The following GTF2F2 variants were observed in gnomAD, a reference collection of about 807,000 sequenced individuals.
The protein encoded by GTF2F2 is general transcription factor IIF subunit 2.
GTF2F2 carries 23 observed loss-of-function variants against 42.2 expected under a neutral mutation model. The observed-to-expected ratio is 0.55, with a 90% CI of 0.39 to 0.77. The LOEUF (loss-of-function observed/expected upper bound fraction) is 0.77. Ranked by LOEUF, GTF2F2 falls within the 30% of genes least tolerant of loss-of-function variation. The probability of loss-of-function intolerance (pLI) is 0.00; values close to 1 mark genes in which losing one functional copy is unlikely to be tolerated. For synonymous variants in GTF2F2, 105 were observed against 100.8 expected (o/e 1.04, Z -0.25); for missense variants, 261 against 287.2 (o/e 0.91, Z 0.66).
chr13:45,260,739 G>C (rs560784264), intron 6 of GTF2F2, among the ~76,000 whole-genome samples: 20 of 152,296 alleles, frequency 1.3e-4, no homozygotes, highest in African/African-American at 4.8e-4. Context: ...TCAAGAATAG[G>C]CTGGGCGTGG....
At chr13:45,160,208 G>C (rs1395201314) in intron 4 of GTF2F2, among the ~76,000 whole-genome samples, 1 of 152,182 alleles carries the variant, frequency 6.6e-6, no homozygotes, top group East Asian at 1.9e-4. Flanking sequence ...ATGTCTGACA[G>C]CTTAAGACAA....
intron 2 of GTF2F2, among the ~76,000 whole-genome samples, chr13:45,139,051 T>C (rs1869781391): frequency 6.6e-6 from 1 of 152,228 alleles, no homozygotes; most frequent in Non-Finnish European, 1.5e-5. Context: ...TCTCAGCGCA[T>C]GTTAAAGCAA....
chr13:45,213,482 C>A (rs1396154613), intron 5 of GTF2F2, among the ~76,000 whole-genome samples: 2 of 152,130 alleles, frequency 1.3e-5, no homozygotes, highest in Non-Finnish European at 2.9e-5. Context: ...GTTTCTATTC[C>A]CCACCCCATT....
intron 1 of GTF2F2, among the ~76,000 whole-genome samples, chr13:45,128,030 G>A (rs534291586): frequency 3.1e-5 from 4 of 129,828 alleles, no homozygotes; most frequent in African/African-American, 1.2e-4. Context: ...GCGCGATCTC[G>A]ACTCACTGCA....
At chr13:45,273,357 T>C (rs1045427762) in intron 7 of GTF2F2, among the ~76,000 whole-genome samples, 5 of 152,044 alleles carry the variant, frequency 3.3e-5, no homozygotes, top group Non-Finnish European at 5.9e-5. Context: ...ATTGCAAGCA[T>C]GAGCCACAGC....
chr13:45,226,770 C>T (rs578204985), intron 5 of GTF2F2, among the ~76,000 whole-genome samples: 136 of 152,266 alleles, frequency 8.9e-4, no homozygotes, highest in African/African-American at 3.0e-3. Flanking sequence ...TGTCTATTTA[C>T]GCCTTCTTTT....
chr13:45,230,263 C>T (rs1874608676), intron 5 of GTF2F2, among the ~76,000 whole-genome samples: 1 of 151,876 alleles, frequency 6.6e-6, no homozygotes, highest in East Asian at 1.9e-4. Context: ...AGAGGTAACT[C>T]CAGTACTAAT....
chr13:45,185,706 A>G (rs755564079), intron 4 of GTF2F2, among the ~76,000 whole-genome samples: 1 of 152,234 alleles, frequency 6.6e-6, no homozygotes, highest in African/African-American at 2.4e-5. Context: ...CCATAAATGT[A>G]TACAAATTTT....
At chr13:45,132,770 T>C (rs1290831585) in intron 1 of GTF2F2, among the ~76,000 whole-genome samples, 1 of 151,806 alleles carries the variant, frequency 6.6e-6, no homozygotes, top group Non-Finnish European at 1.5e-5. Context: ...TTAGATTTGA[T>C]GGTTTGCTTT....
intron 5 of GTF2F2, among the ~76,000 whole-genome samples, chr13:45,242,546 G>T (rs1875370694): frequency 6.6e-6 from 1 of 152,086 alleles, no homozygotes; most frequent in Non-Finnish European, 1.5e-5. Context: ...GTTTTTAAAT[G>T]ACTTCTACAT....
rs1318975055 is a variant in GTF2F2, at chr13:45,267,376, G to T, written c.630G>T (p.Val210=). 6.3e-7 allele frequency: 1 copy of T among 1,596,946 alleles called. No homozygotes were observed. The highest frequency in any genetic ancestry group is 1.1e-5 in the South Asian group (1 of 89,886). ...KDLVDITKQP[V]VYLKEILKEI... is the part of the protein sequence containing the mutation. ...TGGTGGACATCACAAAGCAACCTGT[G>T]GTATGTATATGTTCATACTGATCCT... The change falls in exon 7 of 8, where the codon GTG becomes GTT. Residue 210 remains valine, a splice_region_variant and synonymous_variant. Coordinates refer to ENST00000340473, the MANE Select transcript of GTF2F2 (RefSeq NM_004128.3).
chr13:45,121,360 A>G (rs1456361983), intron 1 of GTF2F2, among the ~76,000 whole-genome samples: 1 of 152,186 alleles, frequency 6.6e-6, no homozygotes, highest in African/African-American at 2.4e-5. Context: ...TTATTGTTTC[A>G]TATTGGGGAG....
intron 5 of GTF2F2, among the ~76,000 whole-genome samples, chr13:45,228,273 C>T (rs968692424): frequency 2.9e-5 from 3 of 102,014 alleles, no homozygotes; most frequent in South Asian, 2.6e-4. Context: ...TTATTGCTGC[C>T]AGAGTTAATC....
chr13:45,245,704 T>C (rs1269057617), intron 5 of GTF2F2, among the ~76,000 whole-genome samples: 11 of 69,728 alleles, frequency 1.6e-4, no homozygotes, highest in African/African-American at 1.1e-3. Flanking sequence ...TATATATACA[T>C]ATACATACAC....
At chr13:45,181,173 C>CAAAAAAAAAAAAAAAA (rs796598856) in intron 4 of GTF2F2, among the ~76,000 whole-genome samples, 1 of 82,310 alleles carries the variant, frequency 1.2e-5, no homozygotes, top group Admixed American at 1.1e-4. Flanking sequence ...TCTCAAAAGA[C>CAAAAAAAAAAAAAAAA]AAAAAAACAA....
chr13:45,215,878 AGCTGTAGACT>A (rs1168285806), intron 5 of GTF2F2, among the ~76,000 whole-genome samples: 1 of 152,100 alleles, frequency 6.6e-6, no homozygotes, highest in African/African-American at 2.4e-5. Flanking sequence ...CACAGCCTTG[AGCTGTAGACT>A]GCCCCTGAAG....
At chr13:45,131,040 G>A (rs1441231964) in intron 1 of GTF2F2, among the ~76,000 whole-genome samples, 2 of 151,898 alleles carry the variant, frequency 1.3e-5, no homozygotes, top group African/African-American at 4.8e-5. Flanking sequence ...ATCACCTGAG[G>A]TCAGGAGTTT....
At chr13:45,179,223 A>G (rs1872031311) in intron 4 of GTF2F2, among the ~76,000 whole-genome samples, 1 of 152,222 alleles carries the variant, frequency 6.6e-6, no homozygotes, top group Admixed American at 6.5e-5. Flanking sequence ...AGTACAGGGA[A>G]GAAAGGGATT....
At chr13:45,241,529 G>C (rs188592446) in intron 5 of GTF2F2, among the ~76,000 whole-genome samples, 1 of 151,914 alleles carries the variant, frequency 6.6e-6, no homozygotes, top group Admixed American at 6.6e-5. Context: ...TAGTGTCCTT[G>C]AGGAGGCGAA....
Sources: allele counts gnomAD v4.1 joint callset (sites outside exome capture counted in the v4.1 genomes callset), GRCh38; gene constraint gnomAD v4.1.1; transcripts MANE v1.5; gene names NCBI Gene and HGNC (gene_info 2026-07-23, HGNC 2026-07-21).